Variants in DERA observed in about 807,000 individuals in gnomAD.
The protein encoded by DERA is 2-deoxy-D-ribose 5-phosphate aldolase.
A neutral mutation model predicts 41.1 loss-of-function variants in DERA; 15 were observed. The ratio of observed to expected loss-of-function variants is 0.37; its 90% CI spans 0.24 to 0.56. The LOEUF (loss-of-function observed/expected upper bound fraction) is 0.56, where lower values mean the gene tolerates loss of function less well. Among genes scored for constraint, DERA ranks in the 20% least tolerant of loss-of-function variants. DERA has a pLI of 0.81. For synonymous variants in DERA, 139 were observed against 137.4 expected (o/e 1.01, Z -0.08); for missense variants, 396 against 403.4 (o/e 0.98, Z 0.16).
intron 6 of DERA, among the ~76,000 whole-genome samples, chr12:16,024,322 A>G (rs1949039185): frequency 6.6e-6 from 1 of 152,228 alleles, no homozygotes; most frequent in African/African-American, 2.4e-5. Context: ...AAGTAGGACA[A>G]GTATTTAAAA....
At chr12:15,929,178 C>A (rs1393777339) in intron 1 of DERA, among the ~76,000 whole-genome samples, 1 of 152,228 alleles carries the variant, frequency 6.6e-6, no homozygotes, top group Non-Finnish European at 1.5e-5. Context: ...ACACTAACTT[C>A]TGAGTGGGTA....
In DERA at chr12:15,936,886, T is replaced by TGTCCTGTCCTGTCC. The variant is rs1948369017; in HGVS notation, c.32-20050_32-20049insGTCCTGTCCTGTCC. Among the ~76,000 whole-genome samples the TGTCCTGTCCTGTCC allele has an allele frequency of 2.9e-3, 399 of 136,892 alleles. 2 individuals are homozygous for TGTCCTGTCCTGTCC. The highest frequency in any genetic ancestry group is 0.012 in the African/African-American group (379 of 31,238). 89.8% of individuals were successfully genotyped at this position (136,892 alleles called of 152,430 possible). The stretch of plus-strand genomic sequence containing the variant: ...TTGTCTTGTCTTGTCTTGTCTTGTC[T>TGTCCTGTCCTGTCC]TGTCCTGTCCTGTCCTGTCCTGTCC... On this transcript the variant is annotated intron_variant, in intron 1 of 8. Coordinates refer to ENST00000428559, the MANE Select transcript of DERA (RefSeq NM_015954.4). The surrounding 1 kb of genome is among the most constrained non-coding windows in gnomAD (Gnocchi z 4.6).
chr12:15,939,666 A>G (rs935497586), intron 1 of DERA, among the ~76,000 whole-genome samples: 1 of 152,072 alleles, frequency 6.6e-6, no homozygotes, highest in African/African-American at 2.4e-5. Context: ...GAAAAAAAAA[A>G]GCCAACATTT....
At position 16,036,419 on chromosome 12, in the gene DERA, G is replaced by A. The variant is rs1428484533; in HGVS notation, c.900+38G>A. ...CTCTGTCTTTGGAATAAATTAACAA[G>A]TGTTTTTTGAGAAAGGAATTGAAAA... On this transcript the variant is annotated intron_variant, in intron 8 of 8. Transcript: ENST00000428559. This position sits in a 1 kb window ranked among gnomAD's most constrained non-coding sequence, Gnocchi z 4.9. The A allele has an allele frequency of 1.3e-6, 2 of 1,551,412 alleles. No homozygotes were observed. Among genetic ancestry groups the A allele is most frequent in the South Asian group, 2.4e-5 (2 of 81,634 alleles).
intron 4 of DERA, among the ~76,000 whole-genome samples, chr12:15,961,700 C>A (rs1418934068): frequency 6.6e-6 from 1 of 152,152 alleles, no homozygotes; most frequent in African/African-American, 2.4e-5. Flanking sequence ...CTTTAAACAA[C>A]AGAGAAACAT....
At position 16,036,520 on chromosome 12, in the gene DERA, C is replaced by A; in HGVS notation, c.900+139C>A. 8.7e-7 allele frequency: 1 copy of A among 1,154,678 alleles called. No individual in the cohort carries two copies. Among genetic ancestry groups the A allele is most frequent in the Non-Finnish European group, 1.2e-6 (1 of 826,734 alleles). 71.5% of individuals were successfully genotyped at this position (1,154,678 alleles called of 1,614,324 possible). On this transcript the variant is annotated intron_variant, in intron 8 of 8. Coordinates refer to ENST00000428559, the MANE Select transcript of DERA (RefSeq NM_015954.4). The surrounding 1 kb of genome is among the most constrained non-coding windows in gnomAD (Gnocchi z 4.9). ...CCAATCCTCTACCTTTTCTTCCAAGCAAACCGCCATCAGAAGTGAGTAGGG... is the reference window on the plus strand; with the variant it reads ...CCAATCCTCTACCTTTTCTTCCAAGAAAACCGCCATCAGAAGTGAGTAGGG...
Position 16,036,956 on chromosome 12 carries a change from TAGA to T in DERA, c.*214_*216del. ...GCACATCTGAAATGATCTTAATTAC[TAGA>T]AGATCTGCACTATTAACTTTGTGAA... On this transcript the variant is annotated 3_prime_UTR_variant, in exon 9 of 9. Transcript: ENST00000428559. This position sits in a 1 kb window ranked among gnomAD's most constrained non-coding sequence, Gnocchi z 4.9. The T allele has an allele frequency of 1.9e-6, 1 of 516,174 alleles. No homozygotes were observed. Among genetic ancestry groups the T allele is most frequent in the Non-Finnish European group, 3.4e-6 (1 of 295,072 alleles). 32.0% of individuals were successfully genotyped at this position (516,174 alleles called of 1,614,324 possible).
rs1339801300 is a variant in DERA at position 16,010,938 on chromosome 12, A to T, written c.638-21604A>T. On this transcript the variant is annotated intron_variant, in intron 6 of 8. Coordinates refer to ENST00000428559, the MANE Select transcript of DERA (RefSeq NM_015954.4). The surrounding 1 kb of genome is among the most constrained non-coding windows in gnomAD (Gnocchi z 5.5). ...ATTTATGATGACATTGAGGTATGAT[A>T]ATCTCAAATACGTTCTGCATTGTTT... Among the ~76,000 whole-genome samples the T allele has an allele frequency of 6.6e-6, 1 of 152,180 alleles. No homozygotes were observed. Among genetic ancestry groups the T allele is most frequent in the African/African-American group, 2.4e-5 (1 of 41,438 alleles).
Position 15,918,218 on chromosome 12 carries a change from C to A in DERA, c.31+6804C>A, listed in dbSNP as rs1948215181. 6.6e-6 allele frequency among the ~76,000 whole-genome samples: 1 copy of A among 152,178 alleles called. No individual in the cohort carries two copies. Among genetic ancestry groups the A allele is most frequent in the Admixed American group, 6.5e-5 (1 of 15,286 alleles). ...TCCTCATCCCGCTGGTGCTTGGTCC[C>A]CCACAGCAGGCTGCTGCCTACACAA... On this transcript the variant is annotated intron_variant, in intron 1 of 8. Coordinates refer to ENST00000428559, the MANE Select transcript of DERA (RefSeq NM_015954.4). The surrounding 1 kb of genome is among the most constrained non-coding windows in gnomAD (Gnocchi z 4.3).
Position 15,970,100 on chromosome 12 carries a change from TG to T in DERA, c.508+7155del, listed in dbSNP as rs1203220803. Among the ~76,000 whole-genome samples, 6 of 152,338 alleles carry T rather than the reference TG, an allele frequency of 3.9e-5. No homozygotes were observed. The highest frequency in any genetic ancestry group is 1.2e-4 in the African/African-American group (5 of 41,592). ...TTACAAGATTAATTAGTTGCTTTGGTGGATGAAACTGTGTTCTTGAACATTT... is the reference window on the plus strand; with the variant it reads ...TTACAAGATTAATTAGTTGCTTTGGTGATGAAACTGTGTTCTTGAACATTT... On this transcript the variant is annotated intron_variant, in intron 5 of 8. Coordinates refer to ENST00000428559, the MANE Select transcript of DERA (RefSeq NM_015954.4). The surrounding 1 kb of genome is among the most constrained non-coding windows in gnomAD (Gnocchi z 4.3).
chr12:15,949,662 C>T (rs1948481680), intron 1 of DERA, among the ~76,000 whole-genome samples: 1 of 152,164 alleles, frequency 6.6e-6, no homozygotes. Flanking sequence ...GAGGTGATGC[C>T]TCGCCCTGCT....
intron 1 of DERA, among the ~76,000 whole-genome samples, chr12:15,944,600 T>G (rs111683424): frequency 6.6e-6 from 1 of 152,200 alleles, no homozygotes; most frequent in Non-Finnish European, 1.5e-5. Flanking sequence ...TGTAAGTTTG[T>G]TTGAGTTCTT....
At chr12:15,937,439 T>C (rs940417029) in intron 1 of DERA, among the ~76,000 whole-genome samples, 5 of 152,230 alleles carry the variant, frequency 3.3e-5, no homozygotes, top group Admixed American at 6.5e-5. Context: ...AAGGAGATTA[T>C]AGCCACATCC....
chr12:15,987,119 C>T (rs989931980), intron 6 of DERA, among the ~76,000 whole-genome samples: 9 of 151,994 alleles, frequency 5.9e-5, no homozygotes, highest in Non-Finnish European at 7.4e-5. Context: ...TGACCACAAC[C>T]GACCTAAGTA....
intron 6 of DERA, among the ~76,000 whole-genome samples, chr12:16,022,939 C>T (rs1235958138): frequency 6.6e-6 from 1 of 152,232 alleles, no homozygotes; most frequent in East Asian, 1.9e-4. Flanking sequence ...AGAAGATAAT[C>T]ATTGTGCAAT....
rs1948247211 is a variant in DERA at position 15,921,925 on chromosome 12, AGAT to A, written c.31+10512_31+10514del. ...TGGGTGACGAGCAAAACTCCATCTC[AGAT>A]AATAATAATAATAATAAATAATTTT... On this transcript the variant is annotated intron_variant, in intron 1 of 8. Transcript: ENST00000428559. This position sits in a 1 kb window ranked among gnomAD's most constrained non-coding sequence, Gnocchi z 5.3. Among the ~76,000 whole-genome samples the A allele has an allele frequency of 3.7e-5, 2 of 54,156 alleles. No homozygotes were observed. The highest frequency in any genetic ancestry group is 9.6e-5 in the African/African-American group (2 of 20,750). The allele number at this position is 54,156 out of a possible 152,430, so 35.5% of individuals were successfully genotyped here.
intron 6 of DERA, among the ~76,000 whole-genome samples, chr12:16,031,828 G>A (rs1949094346): frequency 1.3e-5 from 2 of 152,088 alleles, no homozygotes; most frequent in South Asian, 4.1e-4. Context: ...TGTAGCTCAT[G>A]CAGGTATTGA....
Position 15,936,921 on chromosome 12 carries a change from CTGT to C in DERA, c.32-20014_32-20012del, listed in dbSNP as rs1565588700. Among the ~76,000 whole-genome samples, 312 of 138,270 alleles carry C rather than the reference CTGT, an allele frequency of 2.3e-3. 5 individuals are homozygous for C. Among genetic ancestry groups the C allele is most frequent in the South Asian group, 9.3e-3 (43 of 4,616 alleles). 90.7% of individuals were successfully genotyped at this position (138,270 alleles called of 152,430 possible). A position where few individuals can be genotyped will look rare whatever the true frequency, so the allele number is the denominator to read the frequency against. ...CTGTCCTGTCCTGTCCTGTCCTGTCCTGTCCTGTCCTGTCTTGTCCTGTCCCGT... is the reference window on the plus strand; with the variant it reads ...CTGTCCTGTCCTGTCCTGTCCTGTCCCCTGTCCTGTCTTGTCCTGTCCCGT... On this transcript the variant is annotated intron_variant, in intron 1 of 8. Transcript: ENST00000428559. This position sits in a 1 kb window ranked among gnomAD's most constrained non-coding sequence, Gnocchi z 4.6.
chr12:15,963,613 G>A (rs776760834), intron 5 of DERA, among the ~76,000 whole-genome samples: 1 of 152,090 alleles, frequency 6.6e-6, no homozygotes, highest in Non-Finnish European at 1.5e-5. Context: ...GTCATTGGTA[G>A]CTAGAAAAGT....
Sources: gnomAD v4.1 joint callset for allele counts (sites outside exome capture counted in the v4.1 genomes callset) on GRCh38, gnomAD v4.1.1 for gene constraint, Gnocchi (gnomAD v3.1) non-coding constraint, MANE v1.5 for transcripts, NCBI Gene and HGNC (gene_info 2026-07-23, HGNC 2026-07-21) for gene names.